CAST: variants seen among roughly 807,000 people sequenced by gnomAD.
CAST encodes calpastatin, also known as MIR583 host.
Under a neutral mutation model 119.6 loss-of-function variants are expected in CAST, and 76 were observed. The observed-to-expected ratio is 0.64, with a 90% CI of 0.53 to 0.77. The LOEUF is 0.77. Among genes scored for constraint, CAST ranks in the 30% least tolerant of loss-of-function variants. The pLI, the probability that CAST is intolerant of heterozygous loss-of-function variation, is 0.00. For synonymous variants in CAST, 319 were observed against 331.6 expected (o/e 0.96, Z 0.41); for missense variants, 953 against 946.5 (o/e 1.01, Z -0.09).
At chr5:96,559,917 A>T (rs1466599257) in intron 1 of CAST, among the ~76,000 whole-genome samples, 1 of 152,190 alleles carries the variant, frequency 6.6e-6, no homozygotes, top group Non-Finnish European at 1.5e-5. Context: ...AGCCTAAAGA[A>T]CAAAGCTGGA....
chr5:96,685,380 A>C (rs1431334332), intron 2 of CAST, among the ~76,000 whole-genome samples: 1 of 152,174 alleles, frequency 6.6e-6, no homozygotes, highest in East Asian at 1.9e-4. Flanking sequence ...TAATGGGATG[A>C]CTGGTTCAAA....
At chr5:96,693,271 T>TA (rs1260713694) in intron 2 of CAST, among the ~76,000 whole-genome samples, 1 of 152,222 alleles carries the variant, frequency 6.6e-6, no homozygotes, top group African/African-American at 2.4e-5. Flanking sequence ...TCCGTTAAGT[T>TA]AAAAAACATT....
At chr5:96,068,813 TTA>T in the CAST span, among the ~76,000 whole-genome samples, 4 of 151,276 alleles carry the variant, frequency 2.6e-5, no homozygotes, top group South Asian at 6.2e-4. Context: ...AAAATATATT[TTA>T]TATATACACA....
At chr5:96,068,649 C>T in the CAST span, among the ~76,000 whole-genome samples, 1 of 149,568 alleles carries the variant, frequency 6.7e-6, no homozygotes, top group African/African-American at 2.5e-5. Context: ...TATGTATGCA[C>T]ATGCCCAGTT....
intron 8 of CAST, among the ~76,000 whole-genome samples, chr5:96,730,553 A>C (rs1278065645): frequency 1.3e-5 from 2 of 152,162 alleles, no homozygotes; most frequent in Non-Finnish European, 2.9e-5. Context: ...ATCCTTACCT[A>C]GCCTGATTGA....
intron 1 of CAST, among the ~76,000 whole-genome samples, chr5:96,630,514 C>T (rs375330618): frequency 1.3e-5 from 2 of 152,102 alleles, no homozygotes; most frequent in Non-Finnish European, 2.9e-5. Flanking sequence ...AGGCCAGGTG[C>T]GGTGGCTCAT....
At chr5:96,724,975 C>T (rs960801450) in intron 4 of CAST, among the ~76,000 whole-genome samples, 8 of 152,166 alleles carry the variant, frequency 5.3e-5, no homozygotes, top group African/African-American at 1.7e-4. Flanking sequence ...TTCTAATCCC[C>T]TGTGCCTCAG....
the CAST span, among the ~76,000 whole-genome samples, chr5:96,240,402 CGTCCGAT>C: frequency 6.6e-6 from 1 of 152,160 alleles, no homozygotes; most frequent in African/African-American, 2.4e-5. Flanking sequence ...GCTGGGCAAG[CGTCCGAT>C]TTCTGGGTCC....
the CAST span, among the ~76,000 whole-genome samples, chr5:96,159,482 A>G: frequency 6.6e-6 from 1 of 152,238 alleles, no homozygotes; most frequent in Admixed American, 6.5e-5. Context: ...TGTACAAAGA[A>G]AAAGCTAGTA....
the CAST span, chr5:96,412,939 TC>T: frequency 2.1e-5 from 20 of 961,258 alleles, no homozygotes; most frequent in African/African-American, 4.7e-4. Flanking sequence ...AGAAAGACCC[TC>T]CAAGCAGCCC....
At chr5:96,451,438 A>G in the CAST span, among the ~76,000 whole-genome samples, 1 of 152,242 alleles carries the variant, frequency 6.6e-6, no homozygotes, top group South Asian at 2.1e-4. Context: ...TTGGCTAGCC[A>G]TATGTGGAAA....
rs1765752034 is a variant in CAST at position 96,754,075 on chromosome 5, G to A, written c.1540G>A (p.Asp514Asn). 5 of 1,612,704 alleles carry A rather than the reference G, an allele frequency of 3.1e-6. No homozygotes were observed. The East Asian group carries it at 8.9e-5, about 29-fold the overall frequency. Residue 514 changes from aspartate (D) to asparagine (N), a missense_variant, in exon 21 of 32, where the codon GAT becomes AAT. By Grantham distance (23) the Asp-to-Asn change is conservative. Transcript: ENST00000675179. ...EPATLKGTVP[D>N]DAVEALADSL... Reference sequence around the variant, plus strand: ...GCACTTTCAGAAGGGCACAGTGCCAGATGATGCTGTAGAAGCCTTGGCTGA... The same window carrying A: ...GCACTTTCAGAAGGGCACAGTGCCAAATGATGCTGTAGAAGCCTTGGCTGA...
chr5:96,664,943 T>C (rs1749125479), intron 1 of CAST, among the ~76,000 whole-genome samples: 2 of 152,140 alleles, frequency 1.3e-5, no homozygotes, highest in Admixed American at 1.3e-4. Context: ...TAGTTCAGAG[T>C]TGACATCAAA....
At chr5:96,376,914 A>G in the CAST span, among the ~76,000 whole-genome samples, 1 of 152,146 alleles carries the variant, frequency 6.6e-6, no homozygotes, top group Non-Finnish European at 1.5e-5. Flanking sequence ...TTCCAGTGGG[A>G]TAAGATGTGG....
At chr5:96,136,345 C>CTTTTG in the CAST span, among the ~76,000 whole-genome samples, 1,169 of 135,374 alleles carry the variant, frequency 8.6e-3, 9 homozygotes, top group Non-Finnish European at 0.014. Flanking sequence ...AATTGCACCT[C>CTTTTG]TTTTGTTTTG....
chr5:96,660,629 T>C (rs1486407370), upstream of CAST, among the ~76,000 whole-genome samples: 2 of 152,158 alleles, frequency 1.3e-5, no homozygotes, highest in African/African-American at 4.8e-5. Context: ...TTCTGGGATA[T>C]GTAGGCTCCC....
At chr5:96,741,233 GT>G in intron 13 of CAST, 32 bp from the exon 14 acceptor site, 2 of 1,224,882 alleles carry the variant, frequency 1.6e-6, no homozygotes, top group Non-Finnish European at 2.4e-6. Flanking sequence ...AGTGCTTCCC[GT>G]AAGTTACCCA....
intron 1 of CAST, among the ~76,000 whole-genome samples, chr5:96,580,691 G>A (rs1746756100): frequency 2.0e-5 from 3 of 152,198 alleles, no homozygotes; most frequent in Admixed American, 2.0e-4. Context: ...ATCACTTCTA[G>A]GGTGAGATAT....
intron 2 of CAST, among the ~76,000 whole-genome samples, chr5:96,681,798 T>G (rs924600615): frequency 2.0e-5 from 3 of 152,054 alleles, no homozygotes; most frequent in African/African-American, 7.2e-5. Flanking sequence ...TTTTCTTTAT[T>G]AATTTGTCTT....
Sources: allele counts gnomAD v4.1 joint callset (sites outside exome capture counted in the v4.1 genomes callset), GRCh38; gene constraint gnomAD v4.1.1; transcripts MANE v1.5; gene names NCBI Gene and HGNC (gene_info 2026-07-23, HGNC 2026-07-21).